The following MPPED2 variants were observed in gnomAD, a reference collection of about 807,000 sequenced individuals.
MPPED2 encodes the protein metallophosphoesterase MPPED2.
Under a neutral mutation model 33.0 loss-of-function variants are expected in MPPED2, and 5 were observed. The observed-to-expected ratio is 0.15, with a 90% CI of 0.08 to 0.32. The LOEUF (loss-of-function observed/expected upper bound fraction) is 0.32. Among genes scored for constraint, MPPED2 ranks in the 10% least tolerant of loss-of-function variants. The probability of loss-of-function intolerance (pLI) is 1.00; values close to 1 mark genes in which losing one functional copy is unlikely to be tolerated. For synonymous variants in MPPED2, 136 were observed against 141.9 expected, an observed-to-expected ratio of 0.96 and a Z score of 0.29; for missense variants, 275 against 372.1, an observed-to-expected ratio of 0.74 and a Z score of 2.15.
rs946320368 is a variant in MPPED2, at chr11:30,410,796, C to G, written c.*672G>C. On this transcript the variant is annotated 3_prime_UTR_variant, in exon 7 of 7. Coordinates refer to ENST00000358117, the MANE Select transcript of MPPED2 (RefSeq NM_001584.3). ...TACCTGCTCTTGACAGATTCCATTT[C>G]TGTATTTTTAAAGCTGAAATAATTT... The G allele has an allele frequency of 1.0e-5, 10 of 985,416 alleles. No homozygotes were observed. The highest frequency in any genetic ancestry group is 1.1e-5 in the Non-Finnish European group (9 of 829,686). The allele number at this position is 985,416 out of a possible 1,614,324, so 61.0% of individuals were successfully genotyped here.
Position 30,536,167 on chromosome 11 carries a change from G to T in MPPED2, c.137C>A (p.Pro46His). 1 of 1,600,304 alleles carries T rather than the reference G, an allele frequency of 6.2e-7. No homozygotes were observed. Among genetic ancestry groups the T allele is most frequent in the South Asian group, 1.1e-5 (1 of 88,530 alleles). The change falls in exon 3 of 7, where the codon CCC (proline) becomes CAC (histidine). Residue 46 changes from proline (P) to histidine (H), a missense_variant. By Grantham distance (77) the Pro-to-His change is moderately conservative. Coordinates refer to ENST00000358117, the MANE Select transcript of MPPED2 (RefSeq NM_001584.3). ...TGGTTTTGGAGTGTCATATGGGATG[G>T]GGTCGACCCTAAAGTAGACATAACA... Reference protein sequence around the residue: ...FQPPHVHMVDPIPYDTPKPAG... With the variant: ...FQPPHVHMVDHIPYDTPKPAG...
chr11:30,529,830 T>G (rs1366711515), intron 3 of MPPED2, among the ~76,000 whole-genome samples: 1 of 152,176 alleles, frequency 6.6e-6, no homozygotes, highest in East Asian at 1.9e-4. Context: ...TTGGTTACAG[T>G]CACACTCTGT....
chr11:30,503,490 A>T (rs1033424921), intron 3 of MPPED2, among the ~76,000 whole-genome samples: 1 of 152,138 alleles, frequency 6.6e-6, no homozygotes, highest in Non-Finnish European at 1.5e-5. Flanking sequence ...TTAACACCAA[A>T]TATCCTTTCT....
intron 4 of MPPED2, among the ~76,000 whole-genome samples, chr11:30,437,623 C>T (rs982510419): frequency 2.0e-5 from 3 of 152,212 alleles, no homozygotes; most frequent in Non-Finnish European, 4.4e-5. Flanking sequence ...CCTTCCTCTA[C>T]CCAGTTGACT....
intron 4 of MPPED2, among the ~76,000 whole-genome samples, chr11:30,419,532 C>T (rs1248720542): frequency 6.6e-6 from 1 of 152,156 alleles, no homozygotes; most frequent in Non-Finnish European, 1.5e-5. Flanking sequence ...CTGTTCAGAT[C>T]TTTCCTCCGT....
intron 2 of MPPED2, among the ~76,000 whole-genome samples, chr11:30,576,609 T>C (rs774663754): frequency 9.9e-5 from 15 of 152,140 alleles, no homozygotes; most frequent in Non-Finnish European, 1.9e-4. Flanking sequence ...ACAAAATCTT[T>C]ATGGTGTTTT....
intron 4 of MPPED2, among the ~76,000 whole-genome samples, chr11:30,462,425 C>T (rs550028658): frequency 4.7e-4 from 72 of 152,244 alleles, no homozygotes; most frequent in African/African-American, 1.5e-3. Flanking sequence ...CTTCAATACA[C>T]GCTCTGCATT....
chr11:30,510,466 C>G (rs116562174), intron 3 of MPPED2, among the ~76,000 whole-genome samples: 2,069 of 152,280 alleles, frequency 0.014, 57 homozygotes, highest in African/African-American at 0.047. Context: ...CAATACAGCA[C>G]CTCTTTTTCA....
intron 4 of MPPED2, among the ~76,000 whole-genome samples, chr11:30,481,307 T>A (rs1050852352): frequency 6.6e-6 from 1 of 152,124 alleles, no homozygotes; most frequent in African/African-American, 2.4e-5. Context: ...TTCCTCCTCC[T>A]GAAACATCAC....
intron 4 of MPPED2, among the ~76,000 whole-genome samples, chr11:30,466,822 C>CT (rs1447747493): frequency 6.6e-6 from 1 of 152,106 alleles, no homozygotes; most frequent in African/African-American, 2.4e-5. Flanking sequence ...TTGTTAAGGC[C>CT]TATACAAGCA....
chr11:30,488,764 T>C (rs183882018), intron 4 of MPPED2, among the ~76,000 whole-genome samples: 79 of 152,292 alleles, frequency 5.2e-4, no homozygotes, highest in Non-Finnish European at 1.0e-3. Flanking sequence ...ATAGGTTTCA[T>C]AATGGGAGAG....
At chr11:30,574,672 T>C (rs1047141251) in intron 2 of MPPED2, among the ~76,000 whole-genome samples, 2 of 152,058 alleles carry the variant, frequency 1.3e-5, no homozygotes, top group African/African-American at 2.4e-5. Context: ...CCCAAGAAAG[T>C]GAGTACAAAA....
intron 6 of MPPED2, among the ~76,000 whole-genome samples, chr11:30,404,785 AC>A (rs1947964219): frequency 6.6e-6 from 1 of 152,234 alleles, no homozygotes; most frequent in African/African-American, 2.4e-5. Context: ...AATGAAGCTT[AC>A]TAGCACAGCA....
chr11:30,431,986 C>T (rs1253329862), intron 4 of MPPED2, among the ~76,000 whole-genome samples: 3 of 151,992 alleles, frequency 2.0e-5, no homozygotes, highest in African/African-American at 7.3e-5. Context: ...ACCAGTCCGG[C>T]CAGTATGGCA....
intron 4 of MPPED2, chr11:30,451,803 T>G: frequency 1.0e-6 from 1 of 985,434 alleles, no homozygotes; most frequent in East Asian, 1.1e-4. Context: ...TGCGAATGAC[T>G]GCAGATTAAT....
intron 4 of MPPED2, chr11:30,425,438 C>T (rs1163815561): frequency 6.6e-6 from 1 of 152,136 alleles, no homozygotes; most frequent in Non-Finnish European, 1.5e-5. Flanking sequence ...TAGTGTCCGC[C>T]CAGCCCTCTC....
chr11:30,466,844 T>G (rs1365867441), intron 4 of MPPED2, among the ~76,000 whole-genome samples: 2 of 152,194 alleles, frequency 1.3e-5, no homozygotes, highest in African/African-American at 4.8e-5. Context: ...AACATTTAGA[T>G]TCTATAATTC....
At chr11:30,572,511 A>G (rs1956746023) in intron 2 of MPPED2, among the ~76,000 whole-genome samples, 1 of 152,182 alleles carries the variant, frequency 6.6e-6, no homozygotes, top group Non-Finnish European at 1.5e-5. Context: ...CAGCATTTCT[A>G]TGATGAATTT....
intron 4 of MPPED2, among the ~76,000 whole-genome samples, chr11:30,469,794 C>A (rs1021199460): frequency 6.6e-6 from 1 of 152,116 alleles, no homozygotes; most frequent in Non-Finnish European, 1.5e-5. Flanking sequence ...GATTAGCAGG[C>A]AAATGGTTTC....
Sources: allele counts gnomAD v4.1 joint callset (sites outside exome capture counted in the v4.1 genomes callset), GRCh38; gene constraint gnomAD v4.1.1; transcripts MANE v1.5; gene names NCBI Gene and HGNC (gene_info 2026-07-23, HGNC 2026-07-21).